The following LRP1B variants were observed in gnomAD, a reference collection of about 807,000 sequenced individuals.
The protein encoded by LRP1B is low-density lipoprotein receptor-related protein 1B.
In LRP1B, 217 loss-of-function variants were observed where a neutral mutation model predicts 556.6. The observed-to-expected ratio is 0.39, with a 90% CI of 0.35 to 0.44. The LOEUF is 0.44. Among genes scored for constraint, LRP1B ranks in the 20% least tolerant of loss-of-function variants. The pLI is 1.00. For synonymous variants in LRP1B, 2,047 were observed against 1,865.8 expected, an observed-to-expected ratio of 1.10 and a Z score of -2.50; for missense variants, 5,053 against 5,620.8, an observed-to-expected ratio of 0.90 and a Z score of 3.23.
At chr2:140,336,026 A>T (rs1044554029) in intron 77 of LRP1B, among the ~76,000 whole-genome samples, 188 bp from the exon 78 acceptor site, 1 of 152,008 alleles carries the variant, frequency 6.6e-6, no homozygotes, top group Non-Finnish European at 1.5e-5. Flanking sequence ...ATGAATCTTA[A>T]TTGTACAGAT....
chr2:140,972,919 A>C (rs1696475364), intron 18 of LRP1B, among the ~76,000 whole-genome samples: 1 of 133,552 alleles, frequency 7.5e-6, no homozygotes, highest in Non-Finnish European at 1.7e-5. Flanking sequence ...TGCAAGAATA[A>C]ATTTTTTGCT....
Position 140,816,470 on chromosome 2 carries a change from G to A in LRP1B, c.5210-2664C>T, listed in dbSNP as rs141320029. ...ACCCAGATACTGTAACAAGTATAGA[G>A]GAAGAGCAATGATTCAACATCTCTA... On this transcript the variant is annotated intron_variant, in intron 31 of 90. Coordinates refer to ENST00000389484, the MANE Select transcript of LRP1B (RefSeq NM_018557.3). 9.5e-4 allele frequency among the ~76,000 whole-genome samples: 144 copies of A among 152,076 alleles called. 1 individual carries two copies. In the East Asian group the frequency reaches 0.019, roughly 20 times the overall value.
At chr2:141,227,089 T>A (rs915934838) in intron 6 of LRP1B, among the ~76,000 whole-genome samples, 1 of 152,312 alleles carries the variant, frequency 6.6e-6, no homozygotes, top group South Asian at 2.1e-4. Context: ...AATTGCTTAA[T>A]AAATCAAATT....
At position 140,696,702 on chromosome 2, in the gene LRP1B, C is replaced by T. The variant is rs544386328; in HGVS notation, c.6799+3548G>A. On this transcript the variant is annotated intron_variant, in intron 41 of 90. Coordinates refer to ENST00000389484, the MANE Select transcript of LRP1B (RefSeq NM_018557.3). ...TCAGCAATGGCATTAGAGTTTCATA[C>T]GAGCGCAAACCCTATTATGAGGGAT... is the stretch of plus-strand genomic sequence containing the variant. Among the ~76,000 whole-genome samples the T allele has an allele frequency of 6.6e-5, 10 of 152,140 alleles. No homozygotes were observed. In the East Asian group the frequency reaches 1.2e-3, roughly 18 times the overall value.
At chr2:140,623,167 T>A (rs956274944) in intron 41 of LRP1B, among the ~76,000 whole-genome samples, 3 of 152,226 alleles carry the variant, frequency 2.0e-5, no homozygotes, top group African/African-American at 7.2e-5. Context: ...AAATAGAACA[T>A]CTTCAGTCAC....
chr2:141,675,709 T>C (rs1339880982), intron 2 of LRP1B, among the ~76,000 whole-genome samples: 1 of 150,974 alleles, frequency 6.6e-6, no homozygotes, highest in Non-Finnish European at 1.5e-5. Flanking sequence ...ATATGCACTG[T>C]TTTAGTAGAA....
chr2:141,370,130 A>G (rs1021589354), intron 3 of LRP1B, among the ~76,000 whole-genome samples: 3 of 152,058 alleles, frequency 2.0e-5, no homozygotes, highest in Non-Finnish European at 4.4e-5. Flanking sequence ...TTTTTGATGT[A>G]ATTATTTCTT....
intron 83 of LRP1B, among the ~76,000 whole-genome samples, chr2:140,306,251 C>T (rs141102704): frequency 0.33 from 49,842 of 151,214 alleles, 8,953 homozygotes; most frequent in Non-Finnish European, 0.42. Context: ...CTTGTACTTC[C>T]GGTAGAATTT....
chr2:141,779,667 A>C (rs1405491173), intron 2 of LRP1B, among the ~76,000 whole-genome samples: 1 of 152,080 alleles, frequency 6.6e-6, no homozygotes, highest in Non-Finnish European at 1.5e-5. Flanking sequence ...CCAATACTAC[A>C]TACTTTTCAT....
intron 29 of LRP1B, among the ~76,000 whole-genome samples, chr2:140,842,320 A>G (rs866269174): frequency 6.6e-6 from 1 of 152,186 alleles, no homozygotes; most frequent in African/African-American, 2.4e-5. Flanking sequence ...AAAGTGCAGT[A>G]TTTGAATGGT....
At chr2:141,249,475 T>C (rs1048664083) in intron 4 of LRP1B, among the ~76,000 whole-genome samples, 1 of 152,164 alleles carries the variant, frequency 6.6e-6, no homozygotes, top group Non-Finnish European at 1.5e-5. Flanking sequence ...TGTACACTTG[T>C]TGTCCCAGCT....
rs546214670 is a variant in LRP1B at position 141,120,831 on chromosome 2, C to T, written c.1014-58558G>A. On this transcript the variant is annotated intron_variant, in intron 7 of 90. Coordinates refer to ENST00000389484, the MANE Select transcript of LRP1B (RefSeq NM_018557.3). ...TGAGACTCCTGATAGGAATTTGAAA[C>T]AAGTGGTTACAGTCAGAAAATATGA... Among the ~76,000 whole-genome samples the T allele has an allele frequency of 3.3e-5, 5 of 152,076 alleles. 1 individual carries two copies. In the South Asian group the frequency reaches 8.3e-4, roughly 25 times the overall value.
chr2:140,927,755 G>A (rs1488339014), intron 20 of LRP1B, among the ~76,000 whole-genome samples: 1 of 134,560 alleles, frequency 7.4e-6, no homozygotes, highest in African/African-American at 2.8e-5. Context: ...TGTCCAGGCT[G>A]GAGTGCAATA....
intron 2 of LRP1B, among the ~76,000 whole-genome samples, chr2:141,634,050 A>G (rs1020165756): frequency 6.6e-6 from 1 of 151,522 alleles, no homozygotes; most frequent in Non-Finnish European, 1.5e-5. Flanking sequence ...TTTTTTTTCA[A>G]TTTTAACTTA....
intron 2 of LRP1B, among the ~76,000 whole-genome samples, chr2:141,764,767 A>G (rs1056848975): frequency 6.6e-5 from 10 of 152,288 alleles, no homozygotes; most frequent in African/African-American, 1.9e-4. Flanking sequence ...ATGATAGACA[A>G]CGAAACCTTA....
intron 3 of LRP1B, among the ~76,000 whole-genome samples, chr2:141,255,333 G>A (rs1227068409): frequency 6.6e-6 from 1 of 151,828 alleles, no homozygotes; most frequent in Admixed American, 6.6e-5. Flanking sequence ...TGAAAATAGG[G>A]GTATAAATAG....
At chr2:140,803,457 A>C (rs535205024) in intron 32 of LRP1B, among the ~76,000 whole-genome samples, 1 of 150,564 alleles carries the variant, frequency 6.6e-6, no homozygotes, top group South Asian at 2.1e-4. Flanking sequence ...TATTTATTTT[A>C]TTATTTATTT....
At chr2:141,628,845 C>T (rs997523424) in intron 2 of LRP1B, among the ~76,000 whole-genome samples, 1 of 152,006 alleles carries the variant, frequency 6.6e-6, no homozygotes, top group African/African-American at 2.4e-5. Context: ...GATGAGGTCT[C>T]ATCATTTTGC....
chr2:140,802,950 C>T (rs1027006811), intron 32 of LRP1B, among the ~76,000 whole-genome samples: 10 of 152,076 alleles, frequency 6.6e-5, no homozygotes, highest in Non-Finnish European at 1.3e-4. Context: ...AGGGACCATC[C>T]CTGACTCTTA....
Sources: allele counts gnomAD v4.1 joint callset (sites outside exome capture counted in the v4.1 genomes callset), GRCh38; gene constraint gnomAD v4.1.1; transcripts MANE v1.5; gene names NCBI Gene and HGNC (gene_info 2026-07-23, HGNC 2026-07-21).